The following CRAMP1 variants were observed in gnomAD, a reference collection of about 807,000 sequenced individuals.
CRAMP1 encodes the protein protein cramped-like.
A neutral mutation model predicts 115.4 loss-of-function variants in CRAMP1; 50 were observed. The observed-to-expected ratio is 0.43, with a 90% confidence interval of 0.35 to 0.55. CRAMP1 has a LOEUF of 0.55. CRAMP1 is among the 20% of genes least tolerant of loss of function. The probability of loss-of-function intolerance (pLI) is 0.01; values close to 1 mark genes in which losing one functional copy is unlikely to be tolerated. For missense variants in CRAMP1, 1,679 were observed against 1,721.7 expected, an observed-to-expected ratio of 0.98 and a Z score of 0.44; for synonymous variants, 866 against 745.4, an observed-to-expected ratio of 1.16 and a Z score of -2.64.
rs536758601 is a variant in CRAMP1, at chr16:1,671,336, A to C, written c.3645+527A>C. On this transcript the variant is annotated intron_variant, in intron 20 of 20. Coordinates refer to ENST00000397412, the MANE Select transcript of CRAMP1 (RefSeq NM_020825.4). This position sits in a 1 kb window ranked among gnomAD's most constrained non-coding sequence, Gnocchi z 5.0. The stretch of plus-strand genomic sequence containing the variant: ...CCACGCCCAGGGTAGTGATAGGAGG[A>C]GTCACTGGGGCAGGTTCTTGAGGGG... Among the ~76,000 whole-genome samples, 3 of 152,132 alleles carry C rather than the reference A, an allele frequency of 2.0e-5. No homozygotes were observed. The highest frequency in any genetic ancestry group is 1.9e-4 in the East Asian group (1 of 5,176).
At chr16:1,625,045 C>CAA (rs2036497856) in intron 2 of CRAMP1, among the ~76,000 whole-genome samples, 2 of 152,082 alleles carry the variant, frequency 1.3e-5, no homozygotes, top group African/African-American at 4.8e-5. Context: ...ATTTTTAAAG[C>CAA]ATTTTTGTTT....
rs781410054 is a variant in CRAMP1, at chr16:1,673,864, G to T, written c.3646-17G>T. Reference sequence around the variant, plus strand: ...CAGGTCGCGGTGACTTGTTCTTCCTGTCTCCTCTTCCTGCAGGTTGTGGAT... The same window carrying T: ...CAGGTCGCGGTGACTTGTTCTTCCTTTCTCCTCTTCCTGCAGGTTGTGGAT... On this transcript the variant is annotated splice_polypyrimidine_tract_variant and intron_variant, in intron 20 of 20. Transcript: ENST00000397412. The T allele has an allele frequency of 6.2e-7, 1 of 1,613,298 alleles. No homozygotes were observed. The highest frequency in any genetic ancestry group is 8.5e-7 in the Non-Finnish European group (1 of 1,179,618).
intron 6 of CRAMP1, chr16:1,647,100 C>A: frequency 1.4e-6 from 1 of 702,612 alleles, no homozygotes; most frequent in Admixed American, 2.0e-5. Flanking sequence ...GGAGGCTACC[C>A]CTGGATTTCA....
chr16:1,664,049 G>C (rs911237425), intron 13 of CRAMP1, among the ~76,000 whole-genome samples: 20 of 152,176 alleles, frequency 1.3e-4, no homozygotes, highest in Non-Finnish European at 2.9e-5. Flanking sequence ...GCCTACTGCT[G>C]TCCCTAGTAG....
Position 1,656,216 on chromosome 16 carries a change from G to A in CRAMP1, c.1459G>A (p.Gly487Arg), listed in dbSNP as rs1035368808. 14 of 1,606,586 alleles carry A rather than the reference G, an allele frequency of 8.7e-6. No homozygotes were observed. The highest frequency in any genetic ancestry group is 2.7e-5 in the African/African-American group (2 of 74,796). Residue 487 changes from glycine (G) to arginine (R), a missense_variant, in exon 10 of 21, where the codon GGA becomes AGA. Coordinates refer to ENST00000397412, the MANE Select transcript of CRAMP1 (RefSeq NM_020825.4). The surrounding 1 kb of genome is among the most constrained non-coding windows in gnomAD (Gnocchi z 5.6). ...TGCGGCTGACGCCTTGCAGAGCTCC[G>A]GAGAGAGTTCCCCCGAAAGCGCCCC... ...PPAADALQSS[G>R]ESSPESAPGE...
rs1413446637 is a variant in CRAMP1, at chr16:1,674,843, C to T, written c.*798C>T. ...TGTAGTTGGTTTCCTTCCTGTGTCC[C>T]TTTGCAAGCTTCCAGGCGATCTAAG... is the stretch of plus-strand genomic sequence containing the variant. On this transcript the variant is annotated 3_prime_UTR_variant, in exon 21 of 21. Transcript: ENST00000397412. The T allele has an allele frequency of 1.3e-5, 2 of 152,332 alleles. No individual in the cohort carries two copies. Among genetic ancestry groups the T allele is most frequent in the East Asian group, 3.9e-4 (2 of 5,186 alleles). The allele number at this position is 152,332 out of a possible 1,614,324, so 9.4% of individuals were successfully genotyped here.
intron 12 of CRAMP1, 24 bp from the exon 13 acceptor site, chr16:1,662,737 G>A (rs1290711336): frequency 1.2e-6 from 2 of 1,613,770 alleles, no homozygotes; most frequent in Admixed American, 3.3e-5. Context: ...GCACCTTCAG[G>A]TGCCGGACGC....
At chr16:1,649,728 A>G (rs2036707179) in intron 6 of CRAMP1, among the ~76,000 whole-genome samples, 1 of 147,382 alleles carries the variant, frequency 6.8e-6, no homozygotes, top group African/African-American at 2.5e-5. Context: ...TGACCTCGTG[A>G]TCTGCCTGCC....
Position 1,656,975 on chromosome 16 carries a change from G to C in CRAMP1, c.2218G>C (p.Glu740Gln). The C allele has an allele frequency of 3.9e-6, 6 of 1,542,416 alleles. No individual in the cohort carries two copies. Among genetic ancestry groups the C allele is most frequent in the Non-Finnish European group, 5.2e-6 (6 of 1,142,902 alleles). ...CTGCCTCCTGAAGCTCATTTCCACC[G>C]AGGTCAACCCCAAGCTGGTGAGTGG... ...LSCLLKLIST[E>Q]VNPKLALEAN... Residue 740 changes from glutamate to glutamine, a missense_variant, in exon 10 of 21, where the codon GAG (glutamate) becomes CAG (glutamine). By Grantham distance (29) the Glu-to-Gln change is conservative (BLOSUM62 2). Transcript: ENST00000397412. This position sits in a 1 kb window ranked among gnomAD's most constrained non-coding sequence, Gnocchi z 5.6.
chr16:1,614,921 C>A lies in CRAMP1; in HGVS notation c.282C>A (p.Pro94=). The A allele has an allele frequency of 7.7e-7, 1 of 1,300,356 alleles. No individual in the cohort carries two copies. Among genetic ancestry groups the A allele is most frequent in the Non-Finnish European group, 9.8e-7 (1 of 1,025,316 alleles). The allele number at this position is 1,300,356 out of a possible 1,614,324, so 80.6% of individuals were successfully genotyped here. A position where few individuals can be genotyped will look rare whatever the true frequency, so the allele number is the denominator to read the frequency against. The part of the protein sequence containing the change: ...RSSVRPQSKR[P]RKDPPSAVGS... ...GCGTGCGGCCGCAGAGCAAGAGGCCCAGGAAGGATCCTCCGAGCGCTGTGG... is the reference window on the plus strand; with the variant it reads ...GCGTGCGGCCGCAGAGCAAGAGGCCAAGGAAGGATCCTCCGAGCGCTGTGG... The change falls in exon 2 of 21, where the codon CCC becomes CCA. Residue 94 remains proline (P), a synonymous_variant. Transcript: ENST00000397412. The surrounding 1 kb of genome is among the most constrained non-coding windows in gnomAD (Gnocchi z 4.4).
In CRAMP1 at chr16:1,666,709, G is replaced by A. The variant is rs980287196; in HGVS notation, c.3036+109G>A. The A allele has an allele frequency of 9.3e-5, 98 of 1,052,590 alleles. No individual in the cohort carries two copies. Among genetic ancestry groups the A allele is most frequent in the Non-Finnish European group, 1.3e-4 (93 of 709,204 alleles). The allele number at this position is 1,052,590 out of a possible 1,614,324, so 65.2% of individuals were successfully genotyped here. A position where few individuals can be genotyped will look rare whatever the true frequency, so the allele number is the denominator to read the frequency against. On this transcript the variant is annotated intron_variant, in intron 16 of 20. Transcript: ENST00000397412. The surrounding 1 kb of genome is among the most constrained non-coding windows in gnomAD (Gnocchi z 5.0). ...ACTCCAGCTCTGCCTTTGGAGGAGA[G>A]TCTCTGGACCAGGGGTGCCATGGCA...
intron 3 of CRAMP1, among the ~76,000 whole-genome samples, chr16:1,631,834 A>G (rs370142889): frequency 5.3e-5 from 8 of 152,250 alleles, no homozygotes; most frequent in African/African-American, 1.7e-4. Context: ...GTTCTTTAAG[A>G]TGCCATAACT....
chr16:1,620,238 G>A (rs192787037), intron 2 of CRAMP1, among the ~76,000 whole-genome samples: 9 of 152,324 alleles, frequency 5.9e-5, no homozygotes, highest in East Asian at 1.9e-4. Context: ...GGAGGTGGAC[G>A]CGTTGGACCT....
Position 1,666,465 on chromosome 16 carries a change from G to C in CRAMP1, c.2901G>C (p.Gly967=). Reference sequence around the variant, plus strand: ...CTACAAGTGCCGGCATCCTTTCCGGGAACCCCCTCCCTGCCTTGGACACCG... The same window carrying C: ...CTACAAGTGCCGGCATCCTTTCCGGCAACCCCCTCCCTGCCTTGGACACCG... ...LAATSAGILS[G]NPLPALDTEG... The change falls in exon 16 of 21, where the codon GGG becomes GGC. Residue 967 remains glycine (G), a synonymous_variant. Transcript: ENST00000397412. This position sits in a 1 kb window ranked among gnomAD's most constrained non-coding sequence, Gnocchi z 5.0. 6.2e-7 allele frequency: 1 copy of C among 1,613,820 alleles called. No homozygotes were observed. Among genetic ancestry groups the C allele is most frequent in the Non-Finnish European group, 8.5e-7 (1 of 1,179,836 alleles).
chr16:1,618,641 A>G (rs1213439670), intron 2 of CRAMP1, among the ~76,000 whole-genome samples: 1 of 151,794 alleles, frequency 6.6e-6, no homozygotes, highest in Non-Finnish European at 1.5e-5. Context: ...GTGTGTAGGA[A>G]TCGGTAAACG....
intron 6 of CRAMP1, among the ~76,000 whole-genome samples, chr16:1,642,451 GC>G (rs1054883621): frequency 3.3e-5 from 5 of 152,226 alleles, no homozygotes; most frequent in Admixed American, 3.3e-4. Context: ...CAGCCAGCTT[GC>G]CCCAACACTG....
chr16:1,663,963 T>A (rs1305075558), intron 13 of CRAMP1, among the ~76,000 whole-genome samples: 1 of 152,180 alleles, frequency 6.6e-6, no homozygotes, highest in African/African-American at 2.4e-5. Context: ...TGCCTGGCCC[T>A]TTACAGAAAA....
chr16:1,649,646 C>T (rs1168789525), intron 6 of CRAMP1, among the ~76,000 whole-genome samples: 2 of 151,716 alleles, frequency 1.3e-5, no homozygotes, highest in African/African-American at 4.8e-5. Flanking sequence ...CCCACCACCA[C>T]GCCTGGCTAA....
At chr16:1,641,839 T>G (rs1266318561) in intron 6 of CRAMP1, among the ~76,000 whole-genome samples, 3 of 148,496 alleles carry the variant, frequency 2.0e-5, no homozygotes, top group Non-Finnish European at 4.5e-5. Flanking sequence ...CCTGGGGGGG[T>G]TCCCCACTCC....
Sources: allele counts gnomAD v4.1 joint callset (sites outside exome capture counted in the v4.1 genomes callset), GRCh38; gene constraint gnomAD v4.1.1; non-coding constraint Gnocchi (gnomAD v3.1); transcripts MANE v1.5; gene names NCBI Gene and HGNC (gene_info 2026-07-23, HGNC 2026-07-21).